The following MFSD11 variants were observed in gnomAD, a reference collection of about 807,000 sequenced individuals.
MFSD11 encodes UNC93-like protein MFSD11.
In MFSD11, 36 loss-of-function variants were observed where a neutral mutation model predicts 53.5. That is an observed-to-expected ratio of 0.67 (90% CI 0.52 to 0.89). MFSD11 has a LOEUF of 0.89. Among genes scored for constraint, MFSD11 ranks in the 40% least tolerant of loss-of-function variants. The probability of loss-of-function intolerance (pLI) is 0.00; values close to 1 mark genes in which losing one functional copy is unlikely to be tolerated. For synonymous variants in MFSD11, 186 were observed against 184.9 expected, an observed-to-expected ratio of 1.01 and a Z score of -0.05; for missense variants, 530 against 543.9, an observed-to-expected ratio of 0.97 and a Z score of 0.25.
At position 76,775,197 on chromosome 17, in the gene MFSD11, C is replaced by T. The variant is rs201071869; in HGVS notation, c.1049+26C>T. The T allele has an allele frequency of 3.0e-5, 49 of 1,607,804 alleles. No individual in the cohort carries two copies. In the East Asian group the frequency reaches 7.8e-4, roughly 26 times the overall value. ...GTATAGTGGCTGTCATTTCTCTAGT[C>T]GCTTGAGTACGGGTGGGAGGTAACG... On this transcript the variant is annotated intron_variant, in intron 11 of 12. Transcript: ENST00000685175.
At chr17:76,789,593 A>G in the MFSD11 span, among the ~76,000 whole-genome samples, 1 of 149,988 alleles carries the variant, frequency 6.7e-6, no homozygotes, top group South Asian at 2.2e-4. Flanking sequence ...AGGTCCCTGG[A>G]ACCAGCTGCA....
At chr17:76,737,032 C>T (rs2077538445), upstream of MFSD11, 1 of 1,613,284 alleles carries the variant, frequency 6.2e-7, no homozygotes, top group African/African-American at 1.3e-5. Context: ...GCGGGATGTA[C>T]ACGTCGCCGA....
intron 10 of MFSD11, among the ~76,000 whole-genome samples, chr17:76,770,219 T>C (rs1450535923): frequency 6.6e-6 from 1 of 151,932 alleles, no homozygotes; most frequent in African/African-American, 2.4e-5. Flanking sequence ...TTTGTATTTT[T>C]AGTAGAGACG....
chr17:76,776,314 C>A lies in MFSD11; in HGVS notation c.1050-92C>A. ...TTTGTTTCATAGTGTTTACAACTTG[C>A]AGGTAGAATTCTTTTGTGGGTGGGT... is the stretch of plus-strand genomic sequence containing the variant. On this transcript the variant is annotated intron_variant, in intron 11 of 12. Transcript: ENST00000685175. This position sits in a 1 kb window ranked among gnomAD's most constrained non-coding sequence, Gnocchi z 4.2. 1.5e-6 allele frequency: 2 copies of A among 1,348,976 alleles called. No individual in the cohort carries two copies. Among genetic ancestry groups the A allele is most frequent in the South Asian group, 1.3e-5 (1 of 74,912 alleles). The allele number at this position is 1,348,976 out of a possible 1,614,324, so 83.6% of individuals were successfully genotyped here.
At chr17:76,793,584 C>T in the MFSD11 span, among the ~76,000 whole-genome samples, 1 of 151,356 alleles carries the variant, frequency 6.6e-6, no homozygotes, top group South Asian at 2.1e-4. Context: ...GACATACATC[C>T]TCCTCAGTTT....
chr17:76,795,516 A>C, the MFSD11 span, among the ~76,000 whole-genome samples: 3 of 152,020 alleles, frequency 2.0e-5, no homozygotes, highest in Non-Finnish European at 2.9e-5. Flanking sequence ...TAAAGTATGC[A>C]GGAAGATGTG....
the MFSD11 span, among the ~76,000 whole-genome samples, chr17:76,790,026 C>T: frequency 1.3e-5 from 2 of 148,846 alleles, no homozygotes; most frequent in Admixed American, 1.3e-4. Context: ...GGGTTTCCAG[C>T]ATGTAAAATA....
intron 2 of MFSD11, 118 bp from the exon 3 acceptor site, chr17:76,740,839 T>C: frequency 1.6e-6 from 1 of 643,984 alleles, no homozygotes; most frequent in African/African-American, 1.8e-5. Context: ...AAATTCTGAC[T>C]AAATAATATG....
chr17:76,799,301 G>C, the MFSD11 span: 1 of 152,024 alleles, frequency 6.6e-6, no homozygotes, highest in East Asian at 1.9e-4. Context: ...TTTTAGTAGA[G>C]ATGGGCTTTC....
In MFSD11 at chr17:76,759,251, C is replaced by T. The variant is rs542828916; in HGVS notation, c.682+5164C>T. Among the ~76,000 whole-genome samples the T allele has an allele frequency of 1.7e-4, 26 of 151,338 alleles. No homozygotes were observed. The South Asian group carries it at 5.2e-3, about 30-fold the overall frequency. On this transcript the variant is annotated intron_variant, in intron 8 of 12. Coordinates refer to ENST00000685175, the MANE Select transcript of MFSD11 (RefSeq NM_001242532.5). ...CCTGGGTGACAGAGCAAGAACTTGT[C>T]CCAAAAAAATAAAATACAATAAAAT...
rs565453589 is a variant in MFSD11 at position 76,760,593 on chromosome 17, C to T, written c.682+6506C>T. Reference sequence around the variant, plus strand: ...TCACCCAGGCTGGAGTGCAGTGGCGCGATCTCGGCTCACTGCAACCTCCAC... The same window carrying T: ...TCACCCAGGCTGGAGTGCAGTGGCGTGATCTCGGCTCACTGCAACCTCCAC... On this transcript the variant is annotated intron_variant, in intron 8 of 12. Coordinates refer to ENST00000685175, the MANE Select transcript of MFSD11 (RefSeq NM_001242532.5). Among the ~76,000 whole-genome samples the T allele has an allele frequency of 5.8e-4, 88 of 151,850 alleles. No individual in the cohort carries two copies. The East Asian group carries it at 0.011, about 19-fold the overall frequency.
At chr17:76,803,143 G>A in the MFSD11 span, among the ~76,000 whole-genome samples, 1 of 151,918 alleles carries the variant, frequency 6.6e-6, no homozygotes, top group Non-Finnish European at 1.5e-5. Context: ...GTGACAGAGT[G>A]AGACTCCGTC....
At chr17:76,787,570 A>T in the MFSD11 span, among the ~76,000 whole-genome samples, 20 of 150,348 alleles carry the variant, frequency 1.3e-4, 1 homozygote, top group Non-Finnish European at 2.5e-4. Context: ...TTGGTCCTCC[A>T]AGAAAATGAA....
intron 2 of MFSD11, among the ~76,000 whole-genome samples, chr17:76,739,204 A>G (rs1193978947): frequency 6.6e-6 from 1 of 152,214 alleles, no homozygotes; most frequent in Non-Finnish European, 1.5e-5. Context: ...TGACTCTACA[A>G]GGTATTTATT....
the MFSD11 span, among the ~76,000 whole-genome samples, chr17:76,794,677 C>T: frequency 3.1e-5 from 3 of 96,532 alleles, 1 homozygote; most frequent in African/African-American, 4.3e-5. Context: ...AGAAGATGTA[C>T]TCTTTTTTTT....
At chr17:76,780,962 G>A (rs571978872), downstream of MFSD11, 1 of 152,352 alleles carries the variant, frequency 6.6e-6, no homozygotes, top group South Asian at 2.1e-4. Context: ...TTATCAAGGT[G>A]TATTAGTTTT....
chr17:76,745,812 C>CTTATTTATTTATTTAT, intron 7 of MFSD11, among the ~76,000 whole-genome samples: 1 of 149,002 alleles, frequency 6.7e-6, no homozygotes, highest in East Asian at 2.0e-4. Context: ...TTATTATTTA[C>CTTATTTATTTATTTAT]TTATTTATTT....
chr17:76,754,576 C>G (rs1230342909), intron 8 of MFSD11, among the ~76,000 whole-genome samples: 1 of 150,104 alleles, frequency 6.7e-6, no homozygotes, highest in Non-Finnish European at 1.5e-5. Flanking sequence ...CCCAGCTACT[C>G]AGGAGGCTGA....
chr17:76,765,304 T>A (rs928562350), intron 8 of MFSD11, among the ~76,000 whole-genome samples: 8 of 152,144 alleles, frequency 5.3e-5, no homozygotes, highest in African/African-American at 1.7e-4. Flanking sequence ...ACTGTAGATA[T>A]AAACATTTAT....
Sources: gnomAD v4.1 joint callset for allele counts (sites outside exome capture counted in the v4.1 genomes callset) on GRCh38, gnomAD v4.1.1 for gene constraint, Gnocchi (gnomAD v3.1) non-coding constraint, MANE v1.5 for transcripts, NCBI Gene and HGNC (gene_info 2026-07-23, HGNC 2026-07-21) for gene names.